SDK1: variants seen among roughly 807,000 people sequenced by gnomAD.
The protein encoded by SDK1 is sidekick cell adhesion molecule 1.
In SDK1, 157 loss-of-function variants were observed where a neutral mutation model predicts 245.5. That is an observed-to-expected ratio of 0.64 (90% CI 0.56 to 0.73). SDK1 has a LOEUF of 0.73. Ranked by LOEUF, SDK1 falls within the 30% of genes least tolerant of loss-of-function variation. The probability of loss-of-function intolerance (pLI) is 0.00; values close to 1 mark genes in which losing one functional copy is unlikely to be tolerated. For missense variants in SDK1, 3,583 were observed against 3,002.3 expected, an observed-to-expected ratio of 1.19 and a Z score of -4.52; for synonymous variants, 1,647 against 1,278.5, an observed-to-expected ratio of 1.29 and a Z score of -6.15.
intron 1 of SDK1, among the ~76,000 whole-genome samples, chr7:3,482,604 G>C (rs1047968297): frequency 3.3e-5 from 5 of 152,174 alleles, no homozygotes; most frequent in Admixed American, 2.6e-4. Flanking sequence ...CCACCAGAGG[G>C]CCTCCCACAG....
chr7:3,686,872 G>C (rs757291331), intron 4 of SDK1, among the ~76,000 whole-genome samples: 6 of 152,136 alleles, frequency 3.9e-5, no homozygotes, highest in Non-Finnish European at 7.3e-5. Context: ...GGGCACTGGG[G>C]CAGTCCCTTG....
At chr7:3,513,113 A>G (rs1012298949) in intron 1 of SDK1, among the ~76,000 whole-genome samples, 9 of 152,178 alleles carry the variant, frequency 5.9e-5, no homozygotes, top group Admixed American at 1.3e-4. Context: ...CAATGTTTAT[A>G]TTAATAAAAA....
intron 1 of SDK1, among the ~76,000 whole-genome samples, chr7:3,332,918 ACATTAC>A (rs1285537263): frequency 3.3e-5 from 5 of 152,226 alleles, no homozygotes; most frequent in Admixed American, 6.5e-5. Flanking sequence ...TACCACTTTG[ACATTAC>A]CACTGATTAG....
In SDK1 at chr7:4,135,242, G is replaced by T. The variant is rs565155167; in HGVS notation, c.4228+2819G>T. Among the ~76,000 whole-genome samples, 5 of 152,332 alleles carry T rather than the reference G, an allele frequency of 3.3e-5. No homozygotes were observed. In the South Asian group the frequency reaches 1.0e-3, roughly 32 times the overall value. On this transcript the variant is annotated intron_variant, in intron 28 of 44. Transcript: ENST00000404826. ...TTCGCCAGATTTGGCACCATAAGTA[G>T]CTGTGATAATGCCAAGTTTACATGA...
At chr7:3,495,650 G>T (rs564089347) in intron 1 of SDK1, among the ~76,000 whole-genome samples, 57 of 152,336 alleles carry the variant, frequency 3.7e-4, no homozygotes, top group South Asian at 2.9e-3. Context: ...ATGATGTCAT[G>T]CTTCCCATAA....
At chr7:4,075,314 G>C (rs1194759510) in intron 20 of SDK1, among the ~76,000 whole-genome samples, 1 of 152,144 alleles carries the variant, frequency 6.6e-6, no homozygotes, top group Non-Finnish European at 1.5e-5. Flanking sequence ...ACGGCCAGGG[G>C]GAGCAGTTTA....
intron 1 of SDK1, among the ~76,000 whole-genome samples, chr7:3,534,981 T>C (rs1778834269): frequency 6.6e-6 from 1 of 152,084 alleles, no homozygotes; most frequent in Non-Finnish European, 1.5e-5. Context: ...GCCTTCCCCG[T>C]GGGCTGTGTA....
intron 35 of SDK1, among the ~76,000 whole-genome samples, chr7:4,201,328 C>T (rs943499416): frequency 1.9e-4 from 29 of 152,264 alleles, no homozygotes; most frequent in Middle Eastern, 3.4e-3. Flanking sequence ...GAGCAGATTG[C>T]GAGCAAGATT....
At chr7:3,820,095 A>G (rs769488018) in intron 4 of SDK1, among the ~76,000 whole-genome samples, 1 of 152,184 alleles carries the variant, frequency 6.6e-6, no homozygotes, top group Non-Finnish European at 1.5e-5. Context: ...CTCAGAATGC[A>G]TCTTACCTTC....
intron 5 of SDK1, among the ~76,000 whole-genome samples, chr7:3,903,258 C>T (rs1046192910): frequency 6.6e-6 from 1 of 151,960 alleles, no homozygotes; most frequent in African/African-American, 2.4e-5. Flanking sequence ...ATTCTCCTGC[C>T]TCAGCCTCCC....
intron 4 of SDK1, among the ~76,000 whole-genome samples, chr7:3,809,316 C>T (rs1252883984): frequency 1.3e-5 from 2 of 152,126 alleles, no homozygotes; most frequent in Non-Finnish European, 1.5e-5. Flanking sequence ...GAGAAATCCA[C>T]CCTCAAGACT....
intron 35 of SDK1, among the ~76,000 whole-genome samples, chr7:4,201,523 C>A (rs1483582113): frequency 1.3e-5 from 2 of 152,194 alleles, no homozygotes; most frequent in African/African-American, 4.8e-5. Flanking sequence ...CTCAAATTAT[C>A]CATTAAAACC....
intron 4 of SDK1, among the ~76,000 whole-genome samples, chr7:3,676,300 C>CCA (rs1783893145): frequency 6.7e-6 from 1 of 150,168 alleles, no homozygotes; most frequent in Admixed American, 6.7e-5. Context: ...ATTACACGTA[C>CCA]CACACCTGGC....
chr7:3,578,307 G>C (rs1780366637), intron 1 of SDK1, among the ~76,000 whole-genome samples: 1 of 151,998 alleles, frequency 6.6e-6, no homozygotes, highest in East Asian at 1.9e-4. Context: ...TGCAAGAACA[G>C]GGAGTAGGTC....
intron 1 of SDK1, among the ~76,000 whole-genome samples, chr7:3,511,934 T>G (rs1782593372): frequency 6.6e-6 from 1 of 150,630 alleles, no homozygotes; most frequent in African/African-American, 2.4e-5. Context: ...CGGAGTGGTA[T>G]GTTGCAACCA....
rs533527584 is a variant in SDK1, at chr7:3,625,795, A to ATTGGGG, written c.458+6556_458+6557insTTGGGG. On this transcript the variant is annotated intron_variant, in intron 2 of 44. Transcript: ENST00000404826. Reference sequence around the variant, plus strand: ...GGTGCCAGAGAATCCCCAGGACAGGAAGCAAGAAATAGGAGGCATGGGTTG... The same window carrying ATTGGGG: ...GGTGCCAGAGAATCCCCAGGACAGGATTGGGGAGCAAGAAATAGGAGGCATGGGTTG... Among the ~76,000 whole-genome samples, 786 of 152,290 alleles carry ATTGGGG rather than the reference A, an allele frequency of 5.2e-3. 3 individuals are homozygous for ATTGGGG. Among genetic ancestry groups the ATTGGGG allele is most frequent in the African/African-American group, 0.018 (761 of 41,548 alleles).
At chr7:3,806,851 G>A (rs190919777) in intron 4 of SDK1, among the ~76,000 whole-genome samples, 182 of 152,068 alleles carry the variant, frequency 1.2e-3, no homozygotes, top group Non-Finnish European at 1.9e-3. Context: ...GTTTTTTCCC[G>A]TTTTTATTTT....
intron 1 of SDK1, among the ~76,000 whole-genome samples, chr7:3,461,985 C>G (rs1475423362): frequency 6.6e-6 from 1 of 152,140 alleles, no homozygotes; most frequent in African/African-American, 2.4e-5. Flanking sequence ...TAAAAAAGAA[C>G]CACGACCTCC....
In SDK1 at chr7:4,268,346, A is replaced by G; in HGVS notation, c.*2962A>G. On this transcript the variant is annotated 3_prime_UTR_variant, in exon 45 of 45. Transcript: ENST00000404826. ...GCAGGTGAGCCCAGAGAGAGCTGCC[A>G]GGCCACACCCCCTCGGCCTCCTGCA... 1 of 1,043,592 alleles carries G rather than the reference A, an allele frequency of 9.6e-7. No homozygotes were observed. Among genetic ancestry groups the G allele is most frequent in the South Asian group, 3.2e-5 (1 of 31,672 alleles). The allele number at this position is 1,043,592 out of a possible 1,614,324, so 64.6% of individuals were successfully genotyped here. A position where few individuals can be genotyped will look rare whatever the true frequency, so the allele number is the denominator to read the frequency against.
Sources: gnomAD v4.1 joint callset for allele counts (sites outside exome capture counted in the v4.1 genomes callset) on GRCh38, gnomAD v4.1.1 for gene constraint, MANE v1.5 for transcripts, NCBI Gene and HGNC (gene_info 2026-07-23, HGNC 2026-07-21) for gene names.